Variants in ULK4 observed in about 807,000 individuals in gnomAD.
ULK4 encodes the protein unc-51 like kinase 4.
In ULK4, 133 loss-of-function variants were observed where a neutral mutation model predicts 160.6. That is an observed-to-expected ratio of 0.83 (90% CI 0.72 to 0.96). The LOEUF is 0.96. ULK4 is among the 40% of genes least tolerant of loss of function. The probability of loss-of-function intolerance (pLI) is 0.00; values close to 1 mark genes in which losing one functional copy is unlikely to be tolerated. For missense variants in ULK4, 1,580 were observed against 1,499.5 expected, an observed-to-expected ratio of 1.05 and a Z score of -0.89; for synonymous variants, 534 against 539.8, an observed-to-expected ratio of 0.99 and a Z score of 0.15.
chr3:41,449,695 G>A (rs2125865802), intron 34 of ULK4, among the ~76,000 whole-genome samples: 1 of 152,044 alleles, frequency 6.6e-6, no homozygotes, highest in East Asian at 1.9e-4. Flanking sequence ...ATCTGCTCAT[G>A]TACTTTGTGA....
chr3:41,531,292 T>A (rs1467094922), intron 32 of ULK4, among the ~76,000 whole-genome samples: 3 of 150,366 alleles, frequency 2.0e-5, no homozygotes, highest in Admixed American at 6.6e-5. Flanking sequence ...ATACAAAAAA[T>A]TAGCCAGGTA....
intron 32 of ULK4, among the ~76,000 whole-genome samples, chr3:41,528,016 G>T (rs976635101): frequency 6.6e-6 from 1 of 152,042 alleles, no homozygotes; most frequent in Admixed American, 6.5e-5. Flanking sequence ...ACCACATATA[G>T]GACAATTATC....
At chr3:41,572,181 C>G (rs13316983) in intron 31 of ULK4, among the ~76,000 whole-genome samples, 43,509 of 151,974 alleles carry the variant, frequency 0.29, 6,755 homozygotes, top group African/African-American at 0.41. Context: ...ATGGCAGAAA[C>G]CTTGCCCCTA....
intron 18 of ULK4, among the ~76,000 whole-genome samples, chr3:41,831,068 C>T (rs2041567067): frequency 6.6e-6 from 1 of 151,652 alleles, no homozygotes; most frequent in Admixed American, 6.6e-5. Flanking sequence ...TGCTCTGACA[C>T]CCAGACTGGA....
At chr3:41,400,564 T>A (rs1005202278) in intron 34 of ULK4, among the ~76,000 whole-genome samples, 1 of 152,234 alleles carries the variant, frequency 6.6e-6, no homozygotes, top group Non-Finnish European at 1.5e-5. Flanking sequence ...GTACCATAGT[T>A]TAACTCATCC....
At chr3:41,796,269 T>C (rs1332224846) in intron 20 of ULK4, among the ~76,000 whole-genome samples, 3 of 152,120 alleles carry the variant, frequency 2.0e-5, no homozygotes, top group African/African-American at 4.8e-5. Context: ...TCTCTCTCTG[T>C]CTGAGAAGAG....
intron 23 of ULK4, among the ~76,000 whole-genome samples, chr3:41,715,939 C>A (rs137943492): frequency 1.3e-5 from 2 of 151,422 alleles, no homozygotes; most frequent in Non-Finnish European, 2.9e-5. Flanking sequence ...ATGGGCCAGG[C>A]GCAGTGGCTC....
Position 41,314,950 on chromosome 3 carries a change from T to C in ULK4, c.3679-65376A>G, listed in dbSNP as rs568078947. Among the ~76,000 whole-genome samples the C allele has an allele frequency of 2.6e-5, 4 of 152,302 alleles. No homozygotes were observed. In the Middle Eastern group the frequency reaches 0.01, roughly 389 times the overall value. The stretch of plus-strand genomic sequence containing the variant: ...ACTGAGGACCTCAAGGGATTTTGTT[T>C]ATGCAGGGTGTATTTATCAGTATTT... On this transcript the variant is annotated intron_variant, in intron 35 of 36. Transcript: ENST00000301831.
intron 17 of ULK4, among the ~76,000 whole-genome samples, chr3:41,848,027 CCAAAAT>C (rs898935591): frequency 1.1e-4 from 17 of 152,178 alleles, no homozygotes; most frequent in Admixed American, 5.2e-4. Context: ...GACATCTGCA[CCAAAAT>C]CAAAGTTTTA....
intron 17 of ULK4, among the ~76,000 whole-genome samples, chr3:41,873,806 G>A (rs899277273): frequency 3.3e-5 from 5 of 151,746 alleles, no homozygotes; most frequent in African/African-American, 1.2e-4. Flanking sequence ...ACCTGCCTCA[G>A]CCTCCCAAAA....
chr3:41,553,819 G>A (rs1055977839), intron 32 of ULK4, among the ~76,000 whole-genome samples: 1 of 151,960 alleles, frequency 6.6e-6, no homozygotes, highest in African/African-American at 2.4e-5. Flanking sequence ...TATCCTTTGT[G>A]TTATAAAAAA....
At chr3:41,850,011 C>T (rs1425671137) in intron 17 of ULK4, among the ~76,000 whole-genome samples, 1 of 152,116 alleles carries the variant, frequency 6.6e-6, no homozygotes, top group East Asian at 1.9e-4. Flanking sequence ...CCTTCCTGTG[C>T]CCAAGTGTCC....
intron 32 of ULK4, among the ~76,000 whole-genome samples, chr3:41,516,711 G>A (rs1291054439): frequency 7.3e-6 from 1 of 137,202 alleles, no homozygotes; most frequent in African/African-American, 2.6e-5. Flanking sequence ...TGGGGGTGGG[G>A]GAAGGTTGAG....
chr3:41,489,583 C>T (rs1196750123), intron 32 of ULK4, among the ~76,000 whole-genome samples: 1 of 152,182 alleles, frequency 6.6e-6, no homozygotes, highest in Admixed American at 6.5e-5. Flanking sequence ...GACCCCCCAC[C>T]TCAGTAGGAT....
intron 35 of ULK4, among the ~76,000 whole-genome samples, chr3:41,346,340 G>A (rs968725454): frequency 2.6e-5 from 4 of 152,142 alleles, no homozygotes; most frequent in Admixed American, 2.0e-4. Context: ...ATTTTTACTT[G>A]CTTTTTGGAA....
chr3:41,776,629 G>T (rs989363950), intron 21 of ULK4, among the ~76,000 whole-genome samples: 1 of 114,010 alleles, frequency 8.8e-6, no homozygotes, highest in Non-Finnish European at 2.0e-5. Flanking sequence ...TTTTTAGCAT[G>T]AAGGGTTGTT....
rs528654725 is a variant in ULK4, at chr3:41,323,247, A to T, written c.3679-73673T>A. On this transcript the variant is annotated intron_variant, in intron 35 of 36. Coordinates refer to ENST00000301831, the MANE Select transcript of ULK4 (RefSeq NM_017886.4). ...CCACCATGCCCGGCCATTCTTTTAA[A>T]CTCCTTCCATGTTGCCATACACACA... 4.0e-5 allele frequency among the ~76,000 whole-genome samples: 6 copies of T among 151,372 alleles called. No individual in the cohort carries two copies. The South Asian group carries it at 1.3e-3, about 32-fold the overall frequency.
chr3:41,794,632 G>A (rs1284900275), intron 20 of ULK4, among the ~76,000 whole-genome samples: 1 of 104,600 alleles, frequency 9.6e-6, no homozygotes, highest in Non-Finnish European at 1.8e-5. Flanking sequence ...CTGCACTCCA[G>A]CCTGGGTGAC....
intron 35 of ULK4, among the ~76,000 whole-genome samples, chr3:41,283,280 A>T (rs1261215037): frequency 2.6e-5 from 4 of 152,216 alleles, no homozygotes; most frequent in African/African-American, 9.6e-5. Flanking sequence ...CATTTGACCA[A>T]GCGATCCCAT....
Sources: allele counts gnomAD v4.1 joint callset (sites outside exome capture counted in the v4.1 genomes callset), GRCh38; gene constraint gnomAD v4.1.1; transcripts MANE v1.5; gene names NCBI Gene and HGNC (gene_info 2026-07-23, HGNC 2026-07-21).